Variants in MORC4 observed in about 807,000 individuals in gnomAD.
MORC4 encodes MORC family CW-type zinc finger 4, also known as MORC family CW-type zinc finger protein 4.
Under a neutral mutation model 65.5 loss-of-function variants are expected in MORC4, and 22 were observed. That is an observed-to-expected ratio of 0.34 (90% CI 0.24 to 0.48). The LOEUF is 0.48. Ranked by LOEUF, MORC4 falls within the 20% of genes least tolerant of loss-of-function variation. The pLI is 0.99. For synonymous variants in MORC4, 267 were observed against 255.8 expected (o/e 1.04, Z -0.42); for missense variants, 624 against 703.0 (o/e 0.89, Z 1.27).
At chrX:106,995,322 A>G (rs989204528) in intron 2 of MORC4, among the ~76,000 whole-genome samples, 1 of 111,625 alleles carries the variant, frequency 9.0e-6, no homozygotes, top group Non-Finnish European at 1.9e-5. Context: ...CTGCTCAGAA[A>G]ACTTCAGGCT....
At chrX:106,999,552 T>G in intron 2 of MORC4, 125 bp downstream of exon 2, 201 of 502,667 alleles carry the variant, frequency 4.0e-4, no homozygotes, top group Middle Eastern at 1.5e-3. Flanking sequence ...CCGGGGCCGG[T>G]TCCGAGGCCC....
At chrX:106,966,364 G>T (rs1395501417) in intron 9 of MORC4, among the ~76,000 whole-genome samples, 1 of 112,463 alleles carries the variant, frequency 8.9e-6, no homozygotes, top group African/African-American at 3.2e-5. Flanking sequence ...CTCCCAGTGA[G>T]ATCGACGCAG....
intron 2 of MORC4, 112 bp downstream of exon 2, chrX:106,999,565 A>ACCCCCCCCCCCCCCCCCCCCCCC: frequency 2.0e-6 from 1 of 491,215 alleles, no homozygotes; most frequent in Non-Finnish European, 2.8e-6. Context: ...CGAGGCCCCC[A>ACCCCCCCCCCCCCCCCCCCCCCC]CCCCAGCCCC....
At chrX:106,969,050 T>C (rs995246131) in intron 9 of MORC4, among the ~76,000 whole-genome samples, 1 of 112,016 alleles carries the variant, frequency 8.9e-6, no homozygotes, top group African/African-American at 3.2e-5. Flanking sequence ...CAGTACCACA[T>C]AGCACTCATT....
At chrX:106,996,406 C>G (rs1033016530) in intron 2 of MORC4, among the ~76,000 whole-genome samples, 5 of 109,821 alleles carry the variant, frequency 4.6e-5, no homozygotes, top group Non-Finnish European at 7.6e-5. Flanking sequence ...TTTGTACTTA[C>G]TTTCAGTTTT....
intron 11 of MORC4, 72 bp downstream of exon 11, chrX:106,958,264 T>G: frequency 9.8e-7 from 1 of 1,021,694 alleles, no homozygotes; most frequent in Non-Finnish European, 1.3e-6. Flanking sequence ...GAACCTGAGA[T>G]GAAAAATGTT....
At chrX:106,959,691 C>T (rs544119222) in intron 10 of MORC4, among the ~76,000 whole-genome samples, 1 of 110,684 alleles carries the variant, frequency 9.0e-6, no homozygotes, top group South Asian at 3.9e-4. Flanking sequence ...AGGCATGCGC[C>T]ACCACACCCG....
chrX:106,988,623 A>G (rs937012854), intron 3 of MORC4, among the ~76,000 whole-genome samples: 2 of 112,300 alleles, frequency 1.8e-5, no homozygotes, highest in Non-Finnish European at 3.8e-5. Context: ...ACCTAACACA[A>G]AAGCCCTCAC....
intron 5 of MORC4, among the ~76,000 whole-genome samples, chrX:106,983,737 G>C (rs1294028867): frequency 9.4e-6 from 1 of 106,459 alleles, no homozygotes; most frequent in Non-Finnish European, 1.9e-5. Context: ...AAAGAGACAG[G>C]GTCTCATTTT....
chrX:106,972,747 T>G (rs2147817102), intron 9 of MORC4, among the ~76,000 whole-genome samples: 2 of 111,745 alleles, frequency 1.8e-5, no homozygotes, highest in South Asian at 7.6e-4. Context: ...AAGACCAGAC[T>G]GACCAACATG....
chrX:106,957,035 A>G (rs1602482300), intron 11 of MORC4, 31 bp from the exon 12 acceptor site: 1 of 1,031,957 alleles, frequency 9.7e-7, no homozygotes, highest in African/African-American at 1.9e-5. Flanking sequence ...CATCCTTTGG[A>G]AAAAAACTGG....
rs372071255 is a variant in MORC4 at position 106,998,849 on chromosome X, G to A, written c.175+828C>T. Reference sequence around the variant, plus strand: ...CACAGCGACTGCTTAAGTAGAGACCGGGGTTCATTTGGGGAGCTTTGAAAA... The same window carrying A: ...CACAGCGACTGCTTAAGTAGAGACCAGGGTTCATTTGGGGAGCTTTGAAAA... On this transcript the variant is annotated intron_variant, in intron 2 of 16. Transcript: ENST00000355610. Among the ~76,000 whole-genome samples, 8 of 112,295 alleles carry A rather than the reference G, an allele frequency of 7.1e-5. 1 individual carries two copies. The highest frequency in any genetic ancestry group is 2.8e-4 in the Admixed American group (3 of 10,638).
At position 106,943,214 on chromosome X, in the gene MORC4, A is replaced by C. The variant is rs1366064756; in HGVS notation, c.1686-9T>G. 1 of 1,161,651 alleles carries C rather than the reference A, an allele frequency of 8.6e-7. No individual in the cohort carries two copies. Among genetic ancestry groups the C allele is most frequent in the Non-Finnish European group, 1.2e-6 (1 of 857,238 alleles). ...GGATCCATTTGTACTTACTGCAAGA[A>C]GAGGAAATTAAATTGTAAGCTGTCA... On this transcript the variant is annotated splice_polypyrimidine_tract_variant and intron_variant, in intron 14 of 16. Coordinates refer to ENST00000355610, the MANE Select transcript of MORC4 (RefSeq NM_024657.5).
chrX:106,952,975 T>A (rs988502361), intron 14 of MORC4, among the ~76,000 whole-genome samples: 1 of 112,294 alleles, frequency 8.9e-6, no homozygotes, highest in Non-Finnish European at 1.9e-5. Context: ...CATTTACTGA[T>A]CTTATGTAAC....
chrX:106,954,243 T>C (rs1934046841), intron 14 of MORC4, among the ~76,000 whole-genome samples: 3 of 112,457 alleles, frequency 2.7e-5, no homozygotes, highest in African/African-American at 9.7e-5. Context: ...GGAGTCATAA[T>C]TAGGAGTACT....
In MORC4 at chrX:106,999,894, G is replaced by GCGGGCCGCCGCCGGGCCGGGC. The variant is rs1935150000; in HGVS notation, c.55_75dup (p.Ala19_Pro25dup). The GCGGGCCGCCGCCGGGCCGGGC allele has an allele frequency of 1.2e-6, 1 of 827,826 alleles. No individual in the cohort carries two copies. The highest frequency in any genetic ancestry group is 1.5e-6 in the Non-Finnish European group (1 of 687,861). 68.2% of individuals were successfully genotyped at this position (827,826 alleles called of 1,213,427 possible). ...GTGCTCAGGCGGATCCCGAAGGCCT[G>GCGGGCCGCCGCCGGGCCGGGC]CGGGCCGCCGCCGGGCCGGGCCAGC... On this transcript the variant is annotated inframe_insertion, in exon 1 of 17. Coordinates refer to ENST00000355610, the MANE Select transcript of MORC4 (RefSeq NM_024657.5).
chrX:106,961,617 G>A (rs1934246563), intron 10 of MORC4, among the ~76,000 whole-genome samples: 3 of 111,411 alleles, frequency 2.7e-5, no homozygotes, highest in Admixed American at 9.5e-5. Flanking sequence ...TCTGTAAAAC[G>A]CACCTATCAG....
intron 9 of MORC4, among the ~76,000 whole-genome samples, chrX:106,974,094 G>C (rs1441530523): frequency 8.9e-6 from 1 of 111,804 alleles, no homozygotes; most frequent in Non-Finnish European, 1.9e-5. Flanking sequence ...AATTCATTAT[G>C]TGTAGCTTAG....
At chrX:106,973,283 C>T (rs1037702208) in intron 9 of MORC4, among the ~76,000 whole-genome samples, 2 of 112,015 alleles carry the variant, frequency 1.8e-5, no homozygotes, top group Non-Finnish European at 3.8e-5. Flanking sequence ...CACCACTGTA[C>T]TTTAACAGCA....
Sources: gnomAD v4.1 joint callset for allele counts (sites outside exome capture counted in the v4.1 genomes callset) on GRCh38, gnomAD v4.1.1 for gene constraint, MANE v1.5 for transcripts, NCBI Gene and HGNC (gene_info 2026-07-23, HGNC 2026-07-21) for gene names.